The following THEM4 variants were observed in gnomAD, a reference collection of about 807,000 sequenced individuals.
THEM4 encodes the protein acyl-coenzyme A thioesterase THEM4.
THEM4 carries 22 observed loss-of-function variants against 25.0 expected under a neutral mutation model. The observed-to-expected ratio is 0.88, with a 90% CI of 0.63 to 1.26. The LOEUF (loss-of-function observed/expected upper bound fraction) is 1.26, where lower values mean the gene tolerates loss of function less well. Ranked by LOEUF, THEM4 falls within the 50% of genes most tolerant of loss-of-function variation. The pLI is 0.00. For synonymous variants in THEM4, 113 were observed against 105.6 expected (o/e 1.07, Z -0.43); for missense variants, 286 against 300.3 (o/e 0.95, Z 0.35).
rs373740162 is a variant in THEM4 at position 151,890,074 on chromosome 1, T to A, written c.287-701A>T. On this transcript the variant is annotated intron_variant, in intron 2 of 5. Transcript: ENST00000368814. ...GGCGCCCACCACCACGCCTGACTAA[T>A]TCTGTATTTTTAGTAGAGACGGGGT... 408 of 347,498 alleles carry A rather than the reference T, an allele frequency of 1.2e-3. 4 individuals carry two copies. In the East Asian group the frequency reaches 0.02, roughly 17 times the overall value. The allele number at this position is 347,498 out of a possible 1,614,324, so 21.5% of individuals were successfully genotyped here.
Position 151,895,208 on chromosome 1 carries a change from G to A in THEM4, c.100-14C>T. The stretch of plus-strand genomic sequence containing the variant: ...AGAAAATGACCTCTAAAAGACAGAA[G>A]AAAAAGAAAAGTAAGTAATGGGAGG... On this transcript the variant is annotated splice_polypyrimidine_tract_variant and intron_variant, in intron 1 of 5. Transcript: ENST00000368814. 2 of 1,586,788 alleles carry A rather than the reference G, an allele frequency of 1.3e-6. No homozygotes were observed. Among genetic ancestry groups the A allele is most frequent in the Admixed American group, 2.0e-5 (1 of 51,146 alleles).
Position 151,872,941 on chromosome 1 carries a change from G to T in THEM4, c.*1947C>A, listed in dbSNP as rs1483192820. Among the ~76,000 whole-genome samples the T allele has an allele frequency of 6.6e-6, 1 of 152,124 alleles. No homozygotes were observed. Among genetic ancestry groups the T allele is most frequent in the East Asian group, 1.9e-4 (1 of 5,176 alleles). The stretch of plus-strand genomic sequence containing the variant: ...ACACCCGCAAAGGGTCTGTGCTGAG[G>T]GGGATTAGTAAAAGAGGAAGGCCTC... On this transcript the variant is annotated 3_prime_UTR_variant, in exon 6 of 6. Transcript: ENST00000368814.
intron 4 of THEM4, among the ~76,000 whole-genome samples, chr1:151,881,833 T>C (rs1349407401): frequency 6.6e-6 from 1 of 152,232 alleles, no homozygotes; most frequent in Non-Finnish European, 1.5e-5. Context: ...TTGCTTTCTA[T>C]ATTGTCAATT....
intron 1 of THEM4, among the ~76,000 whole-genome samples, chr1:151,900,886 C>T (rs569217710): frequency 6.6e-5 from 10 of 152,288 alleles, no homozygotes; most frequent in African/African-American, 1.9e-4. Flanking sequence ...GTGGGTTTAC[C>T]GGAATAAGGG....
chr1:151,872,883 G>A lies in THEM4; in HGVS notation c.*2005C>T, dbSNP rs781233875. 3.3e-5 allele frequency among the ~76,000 whole-genome samples: 5 copies of A among 152,056 alleles called. No homozygotes were observed. The highest frequency in any genetic ancestry group is 4.4e-5 in the Non-Finnish European group (3 of 68,000). ...GAGACAGCCTGAGATATGGCCTCCC[G>A]GGAAGGGAAAGACCTGACCATCCCC... On this transcript the variant is annotated 3_prime_UTR_variant, in exon 6 of 6. Coordinates refer to ENST00000368814, the MANE Select transcript of THEM4 (RefSeq NM_053055.5).
At chr1:151,893,631 G>T (rs551183928) in intron 2 of THEM4, among the ~76,000 whole-genome samples, 3 of 151,280 alleles carry the variant, frequency 2.0e-5, no homozygotes, top group African/African-American at 7.2e-5. Context: ...ACAGATGCAG[G>T]GGGGAGGATA....
intron 1 of THEM4, among the ~76,000 whole-genome samples, chr1:151,903,349 C>T (rs897072755): frequency 3.9e-5 from 6 of 152,160 alleles, no homozygotes; most frequent in African/African-American, 1.4e-4. Context: ...AAAAATCCCA[C>T]AATTTTGCTT....
At chr1:151,901,162 G>A (rs1654343444) in intron 1 of THEM4, among the ~76,000 whole-genome samples, 2 of 152,142 alleles carry the variant, frequency 1.3e-5, no homozygotes. Context: ...AGCTCTGAAG[G>A]CTGTGAGACC....
Position 151,888,289 on chromosome 1 carries a change from T to A in THEM4, c.541A>T (p.Asn181Tyr). The change falls in exon 4 of 6, where the codon AAC becomes TAC. Residue 181 changes from asparagine (N) to tyrosine (Y), a missense_variant. Transcript: ENST00000368814. Reference sequence around the variant, plus strand: ...TGAATTTACCTTTTATAATTGATGTTGAGATTGGCAGTCATGACGATTCCC... The same window carrying A: ...TGAATTTACCTTTTATAATTGATGTAGAGATTGGCAGTCATGACGATTCCC... ...AGGIVMTANLNINYKRPIPLC... is the reference protein window; with the variant it reads ...AGGIVMTANLYINYKRPIPLC... 6.2e-7 allele frequency: 1 copy of A among 1,609,814 alleles called. No homozygotes were observed. Among genetic ancestry groups the A allele is most frequent in the African/African-American group, 1.3e-5 (1 of 74,970 alleles).
intron 4 of THEM4, among the ~76,000 whole-genome samples, chr1:151,883,108 T>TTATTTATTTATG (rs1653883497): frequency 6.7e-6 from 1 of 149,400 alleles, no homozygotes; most frequent in African/African-American, 2.5e-5. Context: ...ATTTATTTAT[T>TTATTTATTTATG]TATTTATTTA....
At chr1:151,878,123 C>A (rs1653729116) in intron 4 of THEM4, among the ~76,000 whole-genome samples, 1 of 152,198 alleles carries the variant, frequency 6.6e-6, no homozygotes, top group Non-Finnish European at 1.5e-5. Flanking sequence ...CCCAGCAACT[C>A]CCTTTTCTAC....
At chr1:151,882,538 C>T (rs1426782443) in intron 4 of THEM4, among the ~76,000 whole-genome samples, 1 of 152,126 alleles carries the variant, frequency 6.6e-6, no homozygotes, top group Non-Finnish European at 1.5e-5. Flanking sequence ...AGCTGTATGG[C>T]TATTTGGTGG....
intron 4 of THEM4, among the ~76,000 whole-genome samples, chr1:151,880,140 C>T (rs572154157): frequency 1.3e-5 from 2 of 151,884 alleles, no homozygotes; most frequent in African/African-American, 2.4e-5. Flanking sequence ...ATGTGCACCA[C>T]CTCACTTGGC....
chr1:151,892,986 G>A (rs1361299577), intron 2 of THEM4, among the ~76,000 whole-genome samples: 3 of 152,170 alleles, frequency 2.0e-5, no homozygotes, highest in Non-Finnish European at 4.4e-5. Context: ...AAACAGAAAG[G>A]AGTCAACAGC....
chr1:151,894,037 A>G (rs1199193960), intron 2 of THEM4, among the ~76,000 whole-genome samples: 3 of 151,934 alleles, frequency 2.0e-5, no homozygotes, highest in Non-Finnish European at 4.4e-5. Flanking sequence ...TTTTTTTTGT[A>G]TTTTTAGTAG....
intron 1 of THEM4, among the ~76,000 whole-genome samples, chr1:151,908,200 A>G (rs1654515561): frequency 6.6e-6 from 1 of 152,220 alleles, no homozygotes; most frequent in Non-Finnish European, 1.5e-5. Context: ...TTTGGGAATG[A>G]TGAGGATTAC....
intron 1 of THEM4, among the ~76,000 whole-genome samples, chr1:151,907,594 C>T (rs779474503): frequency 6.6e-5 from 10 of 152,172 alleles, no homozygotes; most frequent in Non-Finnish European, 7.4e-5. Flanking sequence ...GGTCTGAGTG[C>T]ACTCAATAAA....
intron 2 of THEM4, among the ~76,000 whole-genome samples, chr1:151,891,844 C>T (rs919129699): frequency 6.6e-6 from 1 of 152,104 alleles, no homozygotes; most frequent in Non-Finnish European, 1.5e-5. Flanking sequence ...AGCGGACCAG[C>T]TGCTGAAATA....
intron 4 of THEM4, among the ~76,000 whole-genome samples, chr1:151,878,855 TA>T (rs1311851958): frequency 2.1e-5 from 3 of 145,732 alleles, no homozygotes; most frequent in Middle Eastern, 3.5e-3. Flanking sequence ...CATTTAAAAA[TA>T]AAAAAATTTG....
Sources: gnomAD v4.1 joint callset for allele counts (sites outside exome capture counted in the v4.1 genomes callset) on GRCh38, gnomAD v4.1.1 for gene constraint, MANE v1.5 for transcripts, NCBI Gene and HGNC (gene_info 2026-07-23, HGNC 2026-07-21) for gene names.